The following BMS1 variants were observed in gnomAD, a reference collection of about 807,000 sequenced individuals.
BMS1 encodes the protein BMS1 ribosome biogenesis factor, also known as ribosome biogenesis protein BMS1 homolog.
BMS1 carries 53 observed loss-of-function variants against 138.7 expected under a neutral mutation model. The observed-to-expected ratio is 0.38, with a 90% CI of 0.31 to 0.48. The LOEUF is 0.48. Ranked by LOEUF, BMS1 falls within the 20% of genes least tolerant of loss-of-function variation. BMS1 has a pLI of 0.97. For synonymous variants in BMS1, 504 were observed against 539.9 expected, an observed-to-expected ratio of 0.93 and a Z score of 0.92; for missense variants, 1,360 against 1,565.5, an observed-to-expected ratio of 0.87 and a Z score of 2.22.
At chr10:42,816,520 CTG>C in intron 13 of BMS1, 77 bp from the exon 14 acceptor site, 4 of 1,187,272 alleles carry the variant, frequency 3.4e-6, no homozygotes, top group South Asian at 2.8e-5. Context: ...GCAGAGCACA[CTG>C]TGGGCCTGTG....
intron 15 of BMS1, among the ~76,000 whole-genome samples, chr10:42,818,857 A>G (rs1842423988): frequency 6.6e-6 from 1 of 152,146 alleles, no homozygotes; most frequent in Non-Finnish European, 1.5e-5. Flanking sequence ...AGCAGTGCCT[A>G]GGAGGGAGAA....
At chr10:42,799,464 T>A (rs1403079088) in intron 12 of BMS1, among the ~76,000 whole-genome samples, 1 of 152,204 alleles carries the variant, frequency 6.6e-6, no homozygotes, top group Non-Finnish European at 1.5e-5. Context: ...TTTCTTTTTG[T>A]CAATTCAGTT....
chr10:42,796,839 C>T lies in BMS1; in HGVS notation c.1595C>T (p.Ala532Val). 2 of 1,614,176 alleles carry T rather than the reference C, an allele frequency of 1.2e-6. No homozygotes were observed. The highest frequency in any genetic ancestry group is 1.1e-5 in the South Asian group (1 of 91,076). ...DESSEEEDCT[A>V]GEKGISGSKA... is the part of the protein sequence containing the mutation. ...AGCAGTGAAGAAGAGGACTGCACTG[C>T]AGGAGAGAAGGGCATTTCAGGATCA... Residue 532 changes from alanine to valine, a missense_variant, in exon 10 of 23, where the codon GCA becomes GTA. Around this residue, in one of 3 missense-constraint regions of BMS1, gnomAD observed 697 missense variants for 686.2 expected, o/e 1.02. Transcript: ENST00000374518.
In BMS1 at chr10:42,820,704, A is replaced by C; in HGVS notation, c.2950+16A>C. Reference sequence around the variant, plus strand: ...GCCTTTTGGGGTAAAATATGATTACAATAACTTGCCTGTTGCCAAGATTAA... The same window carrying C: ...GCCTTTTGGGGTAAAATATGATTACCATAACTTGCCTGTTGCCAAGATTAA... On this transcript the variant is annotated intron_variant, in intron 17 of 22. Coordinates refer to ENST00000374518, the MANE Select transcript of BMS1 (RefSeq NM_014753.4). 1 of 1,609,148 alleles carries C rather than the reference A, an allele frequency of 6.2e-7. No individual in the cohort carries two copies. The highest frequency in any genetic ancestry group is 1.3e-5 in the African/African-American group (1 of 74,886).
At chr10:42,801,107 T>G (rs1434274140) in intron 12 of BMS1, among the ~76,000 whole-genome samples, 2 of 152,158 alleles carry the variant, frequency 1.3e-5, no homozygotes, top group Non-Finnish European at 2.9e-5. Context: ...CTGATTTCTT[T>G]TAGTAGGAAA....
Position 42,823,264 on chromosome 10 carries a change from C to T in BMS1, c.3279C>T (p.Ser1093=), listed in dbSNP as rs752119072. ...GCTTTGAGGATAAGCTGCTGATGAG[C>T]GGTGAGTGTCTTGAGTAGTGTTCAG... ...RASFEDKLLM[S]DIVFMRTWYP... is the part of the protein sequence containing the mutation. Residue 1093 remains serine (S), a splice_region_variant and synonymous_variant, in exon 20 of 23, where the codon AGC becomes AGT. Transcript: ENST00000374518. 2.0e-5 allele frequency: 32 copies of T among 1,572,154 alleles called. 1 individual carries two copies. Among genetic ancestry groups the T allele is most frequent in the Middle Eastern group, 2.4e-4 (1 of 4,166 alleles).
At chr10:42,806,869 G>GA (rs139905115) in intron 13 of BMS1, among the ~76,000 whole-genome samples, 16,700 of 151,020 alleles carry the variant, frequency 0.11, 1,067 homozygotes, top group African/African-American at 0.17. Flanking sequence ...CAAATACAGA[G>GA]AAAAAAAAAG....
Position 42,798,585 on chromosome 10 carries a change from G to C in BMS1, c.2207G>C (p.Arg736Thr). The C allele has an allele frequency of 1.9e-6, 3 of 1,614,268 alleles. No homozygotes were observed. Among genetic ancestry groups the C allele is most frequent in the Non-Finnish European group, 2.5e-6 (3 of 1,180,046 alleles). ...AAGGCTGACTCTTTGGACTGCTCCAGATTTCTTGTGGAGGCCCCCCATGAC... is the reference window on the plus strand; with the variant it reads ...AAGGCTGACTCTTTGGACTGCTCCACATTTCTTGTGGAGGCCCCCCATGAC... ...KHKADSLDCS[R>T]FLVEAPHDWD... is the part of the protein sequence containing the mutation. Residue 736 changes from arginine (R) to threonine (T), a missense_variant, in exon 12 of 23, where the codon AGA becomes ACA. Transcript: ENST00000374518.
intron 12 of BMS1, among the ~76,000 whole-genome samples, chr10:42,798,943 G>A (rs1390815362): frequency 6.6e-6 from 1 of 152,186 alleles, no homozygotes; most frequent in East Asian, 1.9e-4. Context: ...TAGGATATAT[G>A]TAGCATCCCT....
At chr10:42,828,235 GCT>G (rs776756733) in intron 21 of BMS1, among the ~76,000 whole-genome samples, 13 of 152,182 alleles carry the variant, frequency 8.5e-5, no homozygotes, top group Non-Finnish European at 1.6e-4. Context: ...ATTTAGCCTG[GCT>G]TCTTTGGTTG....
Position 42,821,955 on chromosome 10 carries a change from G to A in BMS1, c.3010-107G>A. On this transcript the variant is annotated intron_variant, in intron 18 of 22. Transcript: ENST00000374518. ...CACATGGTCTCTCTTGTTTTTCTTA[G>A]CTAATTGTAAGTAAAATTCACTTTG... 7 of 1,175,000 alleles carry A rather than the reference G, an allele frequency of 6.0e-6. No individual in the cohort carries two copies. The South Asian group carries it at 7.6e-5, about 13-fold the overall frequency. 72.8% of individuals were successfully genotyped at this position (1,175,000 alleles called of 1,614,324 possible). A position where few individuals can be genotyped will look rare whatever the true frequency, so the allele number is the denominator to read the frequency against.
intron 9 of BMS1, among the ~76,000 whole-genome samples, chr10:42,794,979 G>C (rs1841631519): frequency 6.6e-6 from 1 of 151,526 alleles, no homozygotes; most frequent in Admixed American, 6.6e-5. Context: ...TGTTCTCATT[G>C]TTCAATTCCC....
chr10:42,788,501 A>G (rs1415418274), intron 4 of BMS1, among the ~76,000 whole-genome samples: 1 of 152,168 alleles, frequency 6.6e-6, no homozygotes, highest in African/African-American at 2.4e-5. Flanking sequence ...TTGTGTTAGG[A>G]ACATTTCAAT....
intron 12 of BMS1, among the ~76,000 whole-genome samples, chr10:42,800,768 C>T (rs1461631931): frequency 6.6e-6 from 1 of 152,134 alleles, no homozygotes; most frequent in Non-Finnish European, 1.5e-5. Flanking sequence ...ACCTCCTGAG[C>T]CACGTGCCTC....
Position 42,831,121 on chromosome 10 carries a change from C to CTGG in BMS1, c.*26_*28dup, listed in dbSNP as rs1438958004. 2 of 1,546,190 alleles carry CTGG rather than the reference C, an allele frequency of 1.3e-6. No individual in the cohort carries two copies. The highest frequency in any genetic ancestry group is 2.7e-5 in the African/African-American group (2 of 72,738). On this transcript the variant is annotated 3_prime_UTR_variant, in exon 23 of 23. Transcript: ENST00000374518. ...AGCCTTTGGACTGGAGGGACTGTCCCTGGATCTGCGGAGGTAGACAGTTTC... is the reference window on the plus strand; with the variant it reads ...AGCCTTTGGACTGGAGGGACTGTCCCTGGTGGATCTGCGGAGGTAGACAGTTTC...
At chr10:42,808,337 T>C (rs1185557871) in intron 13 of BMS1, among the ~76,000 whole-genome samples, 2 of 151,518 alleles carry the variant, frequency 1.3e-5, no homozygotes, top group Admixed American at 6.6e-5. Context: ...CTCTCTCTGT[T>C]GCCCAGGCTG....
At chr10:42,813,919 T>A (rs896125036) in intron 13 of BMS1, among the ~76,000 whole-genome samples, 1 of 152,178 alleles carries the variant, frequency 6.6e-6, no homozygotes, top group African/African-American at 2.4e-5. Flanking sequence ...TTTTTGTTTG[T>A]TGGTTTGGTT....
rs1842664111 is a variant in BMS1, at chr10:42,826,935, A to T, written c.3456+3151A>T. Among the ~76,000 whole-genome samples the T allele has an allele frequency of 2.0e-5, 3 of 152,116 alleles. No homozygotes were observed. The South Asian group carries it at 6.2e-4, about 32-fold the overall frequency. ...GAGGGGCACGGCAGCGTGGCCCCGC[A>T]GGGTGGGGTGCATGCTGTGATGTGG... On this transcript the variant is annotated intron_variant, in intron 21 of 22. Coordinates refer to ENST00000374518, the MANE Select transcript of BMS1 (RefSeq NM_014753.4).
intron 13 of BMS1, among the ~76,000 whole-genome samples, chr10:42,807,282 C>T (rs1156308960): frequency 6.6e-6 from 1 of 152,132 alleles, no homozygotes; most frequent in Non-Finnish European, 1.5e-5. Flanking sequence ...GTTAAATAAA[C>T]AGAATCATAC....
Sources: allele counts gnomAD v4.1 joint callset (sites outside exome capture counted in the v4.1 genomes callset), GRCh38; gene constraint gnomAD v4.1.1; regional missense constraint gnomAD v4.1.1; transcripts MANE v1.5; gene names NCBI Gene and HGNC (gene_info 2026-07-23, HGNC 2026-07-21).